Variants in MALRD1 observed in about 807,000 individuals in gnomAD.
The protein encoded by MALRD1 is MAM and LDL-receptor class A domain-containing protein 1.
Under a neutral mutation model 242.1 loss-of-function variants are expected in MALRD1, and 247 were observed. The ratio of observed to expected loss-of-function variants is 1.02; its 90% CI spans 0.92 to 1.13. The LOEUF is 1.13. MALRD1 is among the 50% of genes most tolerant of loss of function. The pLI is 0.00. For synonymous variants in MALRD1, 995 were observed against 866.6 expected (o/e 1.15, Z -2.60); for missense variants, 2,989 against 2,533.1 (o/e 1.18, Z -3.86).
chr10:19,578,120 C>T (rs1659677359), intron 33 of MALRD1, among the ~76,000 whole-genome samples: 2 of 150,106 alleles, frequency 1.3e-5, no homozygotes, highest in African/African-American at 5.0e-5. Context: ...CACTGTTTTA[C>T]TTAATAGTCT....
rs1266562878 is a variant in MALRD1 at position 19,155,032 on chromosome 10, T to C, written c.1559-43T>C. 8 of 1,090,558 alleles carry C rather than the reference T, an allele frequency of 7.3e-6. No homozygotes were observed. In the East Asian group the frequency reaches 2.3e-4, roughly 31 times the overall value. The allele number at this position is 1,090,558 out of a possible 1,614,324, so 67.6% of individuals were successfully genotyped here. A position where few individuals can be genotyped will look rare whatever the true frequency, so the allele number is the denominator to read the frequency against. The stretch of plus-strand genomic sequence containing the variant: ...GTGGAGCAAAGAACAGCTAAGTGTG[T>C]AAGAGAACTTGCATCCCTATGACTT... On this transcript the variant is annotated intron_variant, in intron 11 of 39. Coordinates refer to ENST00000454679, the MANE Select transcript of MALRD1 (RefSeq NM_001142308.3).
intron 18 of MALRD1, among the ~76,000 whole-genome samples, chr10:19,221,156 A>G (rs951125975): frequency 2.0e-5 from 3 of 152,096 alleles, no homozygotes; most frequent in Admixed American, 6.6e-5. Context: ...TTGTTTTTTC[A>G]TTTGTGGGGT....
chr10:19,086,044 A>G (rs1835658521), intron 2 of MALRD1, among the ~76,000 whole-genome samples: 2 of 152,070 alleles, frequency 1.3e-5, no homozygotes, highest in Non-Finnish European at 2.9e-5. Context: ...GTCCACTTGC[A>G]TCACCATGAT....
chr10:19,233,187 G>A (rs1838157551), intron 18 of MALRD1, among the ~76,000 whole-genome samples: 4 of 152,100 alleles, frequency 2.6e-5, no homozygotes, highest in Admixed American at 1.3e-4. Flanking sequence ...ATCCCCTCAA[G>A]CATTTATCCT....
intron 31 of MALRD1, among the ~76,000 whole-genome samples, chr10:19,501,527 T>C (rs1464811009): frequency 3.3e-5 from 5 of 152,196 alleles, no homozygotes; most frequent in African/African-American, 1.2e-4. Flanking sequence ...TAAAGCAATA[T>C]GCAAAATGTT....
intron 36 of MALRD1, among the ~76,000 whole-genome samples, chr10:19,659,541 A>G (rs1243334925): frequency 1.3e-5 from 2 of 152,130 alleles, no homozygotes; most frequent in African/African-American, 2.4e-5. Context: ...ATGGGATTCC[A>G]TATATTTTTC....
intron 24 of MALRD1, among the ~76,000 whole-genome samples, chr10:19,336,962 T>G (rs1843640791): frequency 6.6e-6 from 1 of 152,082 alleles, no homozygotes; most frequent in Admixed American, 6.6e-5. Context: ...CTAGTATATA[T>G]CATTAAATGA....
chr10:19,615,126 G>C (rs768940266), intron 35 of MALRD1, among the ~76,000 whole-genome samples: 1 of 151,998 alleles, frequency 6.6e-6, no homozygotes, highest in Non-Finnish European at 1.5e-5. Context: ...AAATTTTTGA[G>C]ATGATGGATA....
chr10:19,715,934 A>C (rs887149006), intron 38 of MALRD1, among the ~76,000 whole-genome samples: 1 of 152,176 alleles, frequency 6.6e-6, no homozygotes, highest in Non-Finnish European at 1.5e-5. Flanking sequence ...ATCTGCCCCC[A>C]TGGCCCAAAC....
intron 28 of MALRD1, among the ~76,000 whole-genome samples, chr10:19,449,847 T>G (rs1835223382): frequency 6.6e-6 from 1 of 152,076 alleles, no homozygotes; most frequent in South Asian, 2.1e-4. Context: ...TAAAAGTTTT[T>G]GAGGGGAGGG....
intron 33 of MALRD1, among the ~76,000 whole-genome samples, chr10:19,590,707 G>C (rs1029717371): frequency 1.3e-5 from 2 of 152,044 alleles, no homozygotes; most frequent in South Asian, 2.1e-4. Context: ...TACATTGTGT[G>C]TGTGTGTCTG....
In MALRD1 at chr10:19,336,261, G is replaced by A. The variant is rs190040929; in HGVS notation, c.3901+4679G>A. 4.9e-3 allele frequency among the ~76,000 whole-genome samples: 751 copies of A among 152,196 alleles called. 4 individuals are homozygous for A. Among genetic ancestry groups the A allele is most frequent in the African/African-American group, 0.015 (613 of 41,540 alleles). ...GCCATTGATACAGAGACTTCTATGGGAAACAACCATTTTATTAGCTTTCAA... is the reference window on the plus strand; with the variant it reads ...GCCATTGATACAGAGACTTCTATGGAAAACAACCATTTTATTAGCTTTCAA... On this transcript the variant is annotated intron_variant, in intron 24 of 39. Coordinates refer to ENST00000454679, the MANE Select transcript of MALRD1 (RefSeq NM_001142308.3).
intron 32 of MALRD1, among the ~76,000 whole-genome samples, chr10:19,547,740 CACA>C (rs1431364709): frequency 8.4e-6 from 1 of 119,024 alleles, no homozygotes; most frequent in Non-Finnish European, 1.6e-5. Context: ...GGAGCTACAG[CACA>C]CTTCATTTTA....
At position 19,324,105 on chromosome 10, in the gene MALRD1, G is replaced by C. The variant is rs1843016817; in HGVS notation, c.3576G>C (p.Gln1192His). 6.5e-7 allele frequency: 1 copy of C among 1,549,764 alleles called. No homozygotes were observed. Residue 1192 changes from glutamine (Q) to histidine (H), a missense_variant and splice_region_variant, in exon 22 of 40, where the codon CAG becomes CAC. Gln to His is a conservative substitution (Grantham distance 24). Coordinates refer to ENST00000454679, the MANE Select transcript of MALRD1 (RefSeq NM_001142308.3). ...ATGGGGCCACCGTTGGTTCTCTCCA[G>C]GTACTGCTTAGGCAATCACATTTTC... is the stretch of plus-strand genomic sequence containing the variant. ...HMNGATVGSLQVLIKKDNVTS... is the reference protein window; with the variant it reads ...HMNGATVGSLHVLIKKDNVTS...
At chr10:19,062,459 C>T (rs377158538) in intron 1 of MALRD1, among the ~76,000 whole-genome samples, 8 of 152,154 alleles carry the variant, frequency 5.3e-5, no homozygotes, top group East Asian at 3.9e-4. Context: ...AGTAGGGACT[C>T]GAACAAGTAT....
intron 18 of MALRD1, among the ~76,000 whole-genome samples, chr10:19,234,630 T>C (rs1838221322): frequency 1.6e-5 from 1 of 61,902 alleles, no homozygotes; most frequent in African/African-American, 1.4e-4. Flanking sequence ...GGAGCTTATC[T>C]TTAAAAAAAA....
At chr10:19,422,785 C>T (rs1833763755) in intron 28 of MALRD1, among the ~76,000 whole-genome samples, 1 of 152,128 alleles carries the variant, frequency 6.6e-6, no homozygotes, top group Non-Finnish European at 1.5e-5. Context: ...TGAAGCCTCA[C>T]TAATTAGGCT....
chr10:19,626,743 T>G (rs1398264368), intron 36 of MALRD1, among the ~76,000 whole-genome samples: 1 of 149,716 alleles, frequency 6.7e-6, no homozygotes, highest in Non-Finnish European at 1.5e-5. Context: ...AAAAAAAAAA[T>G]GAACAAACCA....
At chr10:19,484,814 A>G (rs1225706229) in intron 29 of MALRD1, among the ~76,000 whole-genome samples, 1 of 152,220 alleles carries the variant, frequency 6.6e-6, no homozygotes, top group African/African-American at 2.4e-5. Flanking sequence ...CAGCAATCCC[A>G]TTACTGGGTA....
Sources: allele counts gnomAD v4.1 joint callset (sites outside exome capture counted in the v4.1 genomes callset), GRCh38; gene constraint gnomAD v4.1.1; transcripts MANE v1.5; gene names NCBI Gene and HGNC (gene_info 2026-07-23, HGNC 2026-07-21).